The following DIP2C variants were observed in gnomAD, a reference collection of about 807,000 sequenced individuals.
DIP2C encodes disco-interacting protein 2 homolog C.
DIP2C carries 33 observed loss-of-function variants against 192.4 expected under a neutral mutation model. The observed-to-expected ratio is 0.17, with a 90% CI of 0.13 to 0.23. The LOEUF (loss-of-function observed/expected upper bound fraction) is 0.23. Ranked by LOEUF, DIP2C falls within the 10% of genes least tolerant of loss-of-function variation. The pLI is 1.00. For missense variants in DIP2C, 1,537 were observed against 2,110.1 expected (o/e 0.73, Z 5.32); for synonymous variants, 979 against 864.1 (o/e 1.13, Z -2.33).
At chr10:480,339 AGGGT>A (rs1843511873) in intron 2 of DIP2C, among the ~76,000 whole-genome samples, 2 of 136,028 alleles carry the variant, frequency 1.5e-5, no homozygotes, top group African/African-American at 5.7e-5. Flanking sequence ...TCACTGGATG[AGGGT>A]CTCATCCACC....
At chr10:622,109 G>T (rs998044467) in intron 1 of DIP2C, among the ~76,000 whole-genome samples, 3 of 151,140 alleles carry the variant, frequency 2.0e-5, no homozygotes, top group Non-Finnish European at 2.9e-5. Flanking sequence ...GGAAAGACAT[G>T]ATTCCAGGAT....
intron 1 of DIP2C, among the ~76,000 whole-genome samples, chr10:658,847 T>C (rs1856572454): frequency 1.3e-5 from 2 of 152,204 alleles, no homozygotes; most frequent in African/African-American, 2.4e-5. Context: ...CTTTAAAATA[T>C]CTCTCTCCCT....
At chr10:671,771 C>A (rs1252543835) in intron 1 of DIP2C, among the ~76,000 whole-genome samples, 5 of 106,684 alleles carry the variant, frequency 4.7e-5, no homozygotes, top group African/African-American at 7.6e-5. Context: ...ACGGAGGAAA[C>A]GCCACAGACG....
intron 29 of DIP2C, among the ~76,000 whole-genome samples, chr10:336,595 T>C (rs1424099116): frequency 6.6e-6 from 1 of 152,232 alleles, no homozygotes; most frequent in Non-Finnish European, 1.5e-5. Flanking sequence ...CTGTTACTGG[T>C]TTATGAATTT....
chr10:536,266 C>T (rs1847686448), intron 1 of DIP2C, among the ~76,000 whole-genome samples: 1 of 152,372 alleles, frequency 6.6e-6, no homozygotes, highest in East Asian at 1.9e-4. Flanking sequence ...ATTTCCCTTT[C>T]CTCTCCAAGG....
intron 32 of DIP2C, among the ~76,000 whole-genome samples, chr10:296,012 G>C (rs1955737192): frequency 1.3e-5 from 2 of 152,112 alleles, no homozygotes; most frequent in Non-Finnish European, 2.9e-5. Flanking sequence ...TGTAGATTCT[G>C]GATATTAGCC....
chr10:605,481 C>T (rs954916496), intron 1 of DIP2C, among the ~76,000 whole-genome samples: 3 of 152,172 alleles, frequency 2.0e-5, no homozygotes, highest in African/African-American at 7.2e-5. Context: ...TGATGCCCGC[C>T]CTTCGCACCA....
chr10:279,601 C>T (rs1004310033), intron 36 of DIP2C, among the ~76,000 whole-genome samples: 1 of 152,230 alleles, frequency 6.6e-6, no homozygotes, highest in African/African-American at 2.4e-5. Flanking sequence ...CGCTGGGTGT[C>T]ACAGCCGCAT....
At chr10:291,485 C>T (rs1348691081) in intron 32 of DIP2C, among the ~76,000 whole-genome samples, 3 of 152,184 alleles carry the variant, frequency 2.0e-5, no homozygotes, top group South Asian at 2.1e-4. Context: ...AAAAGCTACC[C>T]CGTATCTAAG....
intron 17 of DIP2C, among the ~76,000 whole-genome samples, chr10:378,690 CAT>C (rs1961966669): frequency 6.6e-6 from 1 of 151,936 alleles, no homozygotes; most frequent in African/African-American, 2.4e-5. Context: ...AACAGACATG[CAT>C]ACACACATGA....
chr10:639,802 A>C (rs949204245), intron 1 of DIP2C, among the ~76,000 whole-genome samples: 2 of 152,218 alleles, frequency 1.3e-5, no homozygotes, highest in African/African-American at 4.8e-5. Flanking sequence ...GGTACACACA[A>C]ATCAGCGACA....
At chr10:302,121 G>C (rs906368085) in intron 32 of DIP2C, among the ~76,000 whole-genome samples, 3 of 152,188 alleles carry the variant, frequency 2.0e-5, no homozygotes, top group Admixed American at 1.3e-4. Context: ...AAGAAAAAAG[G>C]CATTTGCATG....
chr10:419,870 T>G (rs1460779120), intron 5 of DIP2C, among the ~76,000 whole-genome samples: 1 of 152,186 alleles, frequency 6.6e-6, no homozygotes, highest in African/African-American at 2.4e-5. Flanking sequence ...TGGAGCTCTT[T>G]CTCTTACAGC....
intron 3 of DIP2C, 44 bp downstream of exon 3, chr10:472,395 C>A (rs749562363): frequency 6.4e-7 from 1 of 1,571,970 alleles, no homozygotes; most frequent in East Asian, 2.3e-5. Context: ...CGTCCTGGCA[C>A]AGGTGGCAGA....
intron 1 of DIP2C, among the ~76,000 whole-genome samples, chr10:579,278 ACATC>A (rs1360011537): frequency 6.6e-6 from 1 of 152,120 alleles, no homozygotes; most frequent in Non-Finnish European, 1.5e-5. Context: ...CAGCATACAC[ACATC>A]CAGATTCATG....
At chr10:669,982 G>A (rs1857343612) in intron 1 of DIP2C, among the ~76,000 whole-genome samples, 1 of 152,086 alleles carries the variant, frequency 6.6e-6, no homozygotes, top group African/African-American at 2.4e-5. Flanking sequence ...TATTAATGAT[G>A]AGCTACCCAT....
intron 24 of DIP2C, 141 bp from the exon 25 acceptor site, chr10:349,595 A>G: frequency 2.6e-6 from 3 of 1,140,468 alleles, no homozygotes; most frequent in East Asian, 2.6e-5. Flanking sequence ...TGCAACCAAC[A>G]TGACAGTCAA....
intron 3 of DIP2C, among the ~76,000 whole-genome samples, chr10:443,059 G>C (rs1231835173): frequency 6.6e-6 from 1 of 152,228 alleles, no homozygotes; most frequent in Admixed American, 6.5e-5. Flanking sequence ...GGATACCGCA[G>C]AAGTCTGTCC....
intron 17 of DIP2C, among the ~76,000 whole-genome samples, chr10:381,276 TAAA>T (rs935681241): frequency 7.2e-5 from 11 of 152,048 alleles, no homozygotes; most frequent in African/African-American, 2.4e-4. Flanking sequence ...GATAACGACA[TAAA>T]AAGACAGTCT....
Sources: allele counts gnomAD v4.1 joint callset (sites outside exome capture counted in the v4.1 genomes callset), GRCh38; gene constraint gnomAD v4.1.1; transcripts MANE v1.5; gene names NCBI Gene and HGNC (gene_info 2026-07-23, HGNC 2026-07-21).